The following CWC25 variants were observed in gnomAD, a reference collection of about 807,000 sequenced individuals.
CWC25 encodes the protein pre-mRNA-splicing factor CWC25 homolog.
A neutral mutation model predicts 54.6 loss-of-function variants in CWC25; 31 were observed. That is an observed-to-expected ratio of 0.57 (90% CI 0.43 to 0.77). CWC25 has a LOEUF of 0.77. CWC25 is among the 30% of genes least tolerant of loss of function. The pLI is 0.00. For missense variants in CWC25, 453 were observed against 529.3 expected, an observed-to-expected ratio of 0.86 and a Z score of 1.41; for synonymous variants, 151 against 187.0, an observed-to-expected ratio of 0.81 and a Z score of 1.57.
intron 1 of CWC25, among the ~76,000 whole-genome samples, chr17:38,823,188 C>G (rs1256281584): frequency 2.4e-5 from 3 of 126,540 alleles, no homozygotes; most frequent in South Asian, 5.0e-4. Context: ...GAGACGAGGT[C>G]TTGCTCTGTC....
In CWC25 at chr17:38,814,874, G is replaced by A; in HGVS notation, c.415C>T (p.Leu139Phe). Residue 139 changes from leucine to phenylalanine, a missense_variant, in exon 3 of 10, where the codon CTC (leucine) becomes TTC (phenylalanine). By Grantham distance (22) the Leu-to-Phe change is conservative (BLOSUM62 0). Around this residue, in one of 2 missense-constraint regions of CWC25, gnomAD observed 444 missense variants for 499.2 expected, o/e 0.89. Transcript: ENST00000614790. ...CCCCATTAGTACCTGATGATGAAGA[G>A]TGGGTCCTCCCGGATCTTGCTGGCC... ...DMASKIREDPLFIIRKKEEEK... is the reference protein window; with the variant it reads ...DMASKIREDPFFIIRKKEEEK... 1 of 1,612,868 alleles carries A rather than the reference G, an allele frequency of 6.2e-7. No homozygotes were observed. Among genetic ancestry groups the A allele is most frequent in the Non-Finnish European group, 8.5e-7 (1 of 1,179,624 alleles).
At chr17:38,812,032 G>A (rs898752586) in intron 4 of CWC25, among the ~76,000 whole-genome samples, 1 of 151,598 alleles carries the variant, frequency 6.6e-6, no homozygotes, top group Non-Finnish European at 1.5e-5. Context: ...TCCATCTCCC[G>A]GGTTCAAGCA....
In CWC25 at chr17:38,807,470, C is replaced by G. The variant is rs1265154365; in HGVS notation, c.691-494G>C. Among the ~76,000 whole-genome samples the G allele has an allele frequency of 1.4e-5, 2 of 141,174 alleles. 1 individual carries two copies. Among genetic ancestry groups the G allele is most frequent in the Non-Finnish European group, 3.1e-5 (2 of 63,806 alleles). The allele number at this position is 141,174 out of a possible 152,430, so 92.6% of individuals were successfully genotyped here. ...CAGAATCCCCTAAAAGAATCTCCTT[C>G]GGTCAGCCAGGTGCAGTCGCTCACA... On this transcript the variant is annotated intron_variant, in intron 6 of 9. Coordinates refer to ENST00000614790, the MANE Select transcript of CWC25 (RefSeq NM_017748.5).
Position 38,810,606 on chromosome 17 carries a change from C to T in CWC25, c.499-11G>A. On this transcript the variant is annotated splice_polypyrimidine_tract_variant and intron_variant, in intron 4 of 9. Transcript: ENST00000614790. ...CAGACTCATTTGCAACTGGAAAATG[C>T]CGAGAACACAAGCACACAAGATTAC... The T allele has an allele frequency of 7.7e-7, 1 of 1,299,350 alleles. No homozygotes were observed. Among genetic ancestry groups the T allele is most frequent in the Non-Finnish European group, 1.1e-6 (1 of 916,820 alleles). The allele number at this position is 1,299,350 out of a possible 1,614,324, so 80.5% of individuals were successfully genotyped here.
At chr17:38,814,534 G>T (rs1911618210) in intron 3 of CWC25, among the ~76,000 whole-genome samples, 1 of 151,530 alleles carries the variant, frequency 6.6e-6, no homozygotes, top group Admixed American at 6.6e-5. Context: ...AGGTGGTCAG[G>T]AGATCGAGAC....
At chr17:38,805,787 C>T (rs7214815) in intron 8 of CWC25, among the ~76,000 whole-genome samples, 6,185 of 151,960 alleles carry the variant, frequency 0.041, 228 homozygotes, top group African/African-American at 0.1. Flanking sequence ...GCATGGACTG[C>T]TGTGTCTGGC....
rs1199094133 is a variant in CWC25 at position 38,825,277 on chromosome 17, G to A, written c.-94C>T. 2 of 1,378,830 alleles carry A rather than the reference G, an allele frequency of 1.5e-6. No homozygotes were observed. Among genetic ancestry groups the A allele is most frequent in the African/African-American group, 1.4e-5 (1 of 69,170 alleles). 85.4% of individuals were successfully genotyped at this position (1,378,830 alleles called of 1,614,324 possible). A position where few individuals can be genotyped will look rare whatever the true frequency, so the allele number is the denominator to read the frequency against. ...AAATAGTTCGGGGGCTACCTCGCGGGATCTAGTCCCAGGAGCCGTCAACTG... is the reference window on the plus strand; with the variant it reads ...AAATAGTTCGGGGGCTACCTCGCGGAATCTAGTCCCAGGAGCCGTCAACTG... On this transcript the variant is annotated 5_prime_UTR_variant, in exon 1 of 10. Transcript: ENST00000614790.
At chr17:38,812,737 C>T (rs1248567424) in intron 4 of CWC25, 58 bp downstream of exon 4, 11 of 984,164 alleles carry the variant, frequency 1.1e-5, no homozygotes, top group African/African-American at 1.6e-5. Context: ...AATGGAGAGA[C>T]GTTCTCACGT....
At chr17:38,824,783 C>T (rs946949700) in intron 1 of CWC25, among the ~76,000 whole-genome samples, 1 of 152,134 alleles carries the variant, frequency 6.6e-6, no homozygotes, top group African/African-American at 2.4e-5. Context: ...ACTCTGAACT[C>T]TCACCCAAGG....
intron 5 of CWC25, 21 bp from the exon 6 acceptor site, chr17:38,809,786 C>G: frequency 6.2e-7 from 1 of 1,608,856 alleles, no homozygotes; most frequent in East Asian, 2.2e-5. Context: ...AAAATACACA[C>G]ACTCATTGAA....
intron 1 of CWC25, among the ~76,000 whole-genome samples, chr17:38,823,964 C>A (rs1466969002): frequency 1.3e-5 from 2 of 152,220 alleles, no homozygotes; most frequent in African/African-American, 4.8e-5. Flanking sequence ...CTAGGCCAAA[C>A]TGTCAAGAGC....
chr17:38,819,216 T>TC (rs1199753411), intron 2 of CWC25, among the ~76,000 whole-genome samples: 1 of 151,552 alleles, frequency 6.6e-6, no homozygotes, highest in Non-Finnish European at 1.5e-5. Flanking sequence ...TTTTTTTTTT[T>TC]TGAGACGAAG....
chr17:38,824,688 A>C (rs1912070854), intron 1 of CWC25, among the ~76,000 whole-genome samples: 1 of 151,586 alleles, frequency 6.6e-6, no homozygotes, highest in Admixed American at 6.6e-5. Context: ...GTCTCAAAAA[A>C]ATAAAAAATA....
At chr17:38,811,280 T>C (rs1911476348) in intron 4 of CWC25, among the ~76,000 whole-genome samples, 1 of 149,686 alleles carries the variant, frequency 6.7e-6, no homozygotes, top group Non-Finnish European at 1.5e-5. Context: ...ATACCTGTAA[T>C]CCCAGCACTT....
chr17:38,823,995 G>A (rs1422982168), intron 1 of CWC25, among the ~76,000 whole-genome samples: 6 of 152,134 alleles, frequency 3.9e-5, no homozygotes, highest in Non-Finnish European at 8.8e-5. Flanking sequence ...AGAAACCCTG[G>A]ATTAGAGCTT....
chr17:38,819,654 A>G (rs2143599422), intron 2 of CWC25, among the ~76,000 whole-genome samples: 1 of 150,056 alleles, frequency 6.7e-6, no homozygotes, highest in South Asian at 2.1e-4. Context: ...TACAGGCGTG[A>G]GCCACTGCAC....
intron 8 of CWC25, among the ~76,000 whole-genome samples, chr17:38,805,111 A>C (rs1598067622): frequency 1.4e-5 from 2 of 145,270 alleles, no homozygotes; most frequent in Non-Finnish European, 3.0e-5. Context: ...CCATCTCAGA[A>C]AAAAAAAAAA....
At chr17:38,818,445 A>G (rs1476832122) in intron 2 of CWC25, among the ~76,000 whole-genome samples, 2 of 151,244 alleles carry the variant, frequency 1.3e-5, no homozygotes, top group African/African-American at 2.4e-5. Flanking sequence ...ACAAAAAATT[A>G]GCCGGGCGTG....
intron 5 of CWC25, 66 bp from the exon 6 acceptor site, chr17:38,809,831 T>C: frequency 7.3e-7 from 1 of 1,373,858 alleles, no homozygotes. Flanking sequence ...TTAAATATCT[T>C]ATGCTGAACT....
Sources: gnomAD v4.1 joint callset for allele counts (sites outside exome capture counted in the v4.1 genomes callset) on GRCh38, gnomAD v4.1.1 for gene constraint, gnomAD v4.1.1 regional missense constraint, MANE v1.5 for transcripts, NCBI Gene and HGNC (gene_info 2026-07-23, HGNC 2026-07-21) for gene names.